MARCHF3: variants seen among roughly 807,000 people sequenced by gnomAD.
MARCHF3 encodes the protein membrane associated ring-CH-type finger 3.
Under a neutral mutation model 24.2 loss-of-function variants are expected in MARCHF3, and 13 were observed. The observed-to-expected ratio is 0.54, with a 90% CI of 0.35 to 0.85. The LOEUF is 0.85. Among genes scored for constraint, MARCHF3 ranks in the 40% least tolerant of loss-of-function variants. The pLI is 0.01. For missense variants in MARCHF3, 276 were observed against 325.0 expected, an observed-to-expected ratio of 0.85 and a Z score of 1.16; for synonymous variants, 144 against 137.3, an observed-to-expected ratio of 1.05 and a Z score of -0.34.
chr5:126,895,391 T>G (rs928429223), intron 3 of MARCHF3, among the ~76,000 whole-genome samples: 1 of 152,084 alleles, frequency 6.6e-6, no homozygotes, highest in African/African-American at 2.4e-5. Context: ...GCGCTCTGCT[T>G]TTTTAGAGTT....
chr5:126,884,712 C>G (rs1479468777), intron 3 of MARCHF3, among the ~76,000 whole-genome samples: 1 of 152,212 alleles, frequency 6.6e-6, no homozygotes, highest in African/African-American at 2.4e-5. Context: ...CTGCAACATA[C>G]ACCTGGAATC....
chr5:126,944,507 C>T (rs1749942165), intron 1 of MARCHF3, among the ~76,000 whole-genome samples: 1 of 152,152 alleles, frequency 6.6e-6, no homozygotes, highest in African/African-American at 2.4e-5. Context: ...TGCTTGAGCC[C>T]AGGAAGTTGA....
intron 1 of MARCHF3, among the ~76,000 whole-genome samples, chr5:127,023,925 A>C (rs961768953): frequency 6.6e-6 from 1 of 152,188 alleles, no homozygotes; most frequent in African/African-American, 2.4e-5. Flanking sequence ...AGTCACCTGC[A>C]TTGGATGACA....
chr5:126,887,241 G>C (rs73783478), intron 3 of MARCHF3, among the ~76,000 whole-genome samples: 14,503 of 151,812 alleles, frequency 0.096, 1,603 homozygotes, highest in African/African-American at 0.27. Context: ...CAGGATCTAT[G>C]ATTTTGAATG....
intron 1 of MARCHF3, among the ~76,000 whole-genome samples, chr5:126,980,341 A>G (rs1168385517): frequency 4.6e-5 from 7 of 151,974 alleles, no homozygotes; most frequent in African/African-American, 1.7e-4. Flanking sequence ...TTTTATGTAG[A>G]ATCTCTTGAG....
chr5:126,897,730 G>A lies in MARCHF3; in HGVS notation c.393+17200C>T, dbSNP rs117373811. ...GTTTCCTCATTTATATCCACAAATA[G>A]GAGACCATTAGAGCACCCAGAACAG... is the stretch of plus-strand genomic sequence containing the variant. On this transcript the variant is annotated intron_variant, in intron 3 of 4. Coordinates refer to ENST00000308660, the MANE Select transcript of MARCHF3 (RefSeq NM_178450.5). Among the ~76,000 whole-genome samples the A allele has an allele frequency of 3.6e-3, 544 of 152,158 alleles. 5 individuals are homozygous for A. The highest frequency in any genetic ancestry group is 0.015 in the East Asian group (79 of 5,188).
intron 3 of MARCHF3, among the ~76,000 whole-genome samples, chr5:126,883,875 T>C (rs764289736): frequency 1.3e-5 from 2 of 152,144 alleles, no homozygotes; most frequent in Non-Finnish European, 2.9e-5. Flanking sequence ...ACCTTCCCCA[T>C]GAATCTCCTT....
intron 1 of MARCHF3, among the ~76,000 whole-genome samples, chr5:126,978,088 C>T (rs578258244): frequency 1.3e-5 from 2 of 152,326 alleles, no homozygotes; most frequent in Admixed American, 1.3e-4. Flanking sequence ...AAGAGAAAGG[C>T]TTTGGCAGTT....
At chr5:126,920,422 C>T (rs1475189159) in intron 1 of MARCHF3, among the ~76,000 whole-genome samples, 2 of 152,208 alleles carry the variant, frequency 1.3e-5, no homozygotes, top group Non-Finnish European at 1.5e-5. Context: ...CTTCCTGGCA[C>T]AGCTCTCTTG....
chr5:127,002,993 G>A (rs1281338600), intron 1 of MARCHF3, among the ~76,000 whole-genome samples: 1 of 152,178 alleles, frequency 6.6e-6, no homozygotes, highest in Non-Finnish European at 1.5e-5. Context: ...GGACAGGAAA[G>A]CAACAATCAC....
intron 1 of MARCHF3, among the ~76,000 whole-genome samples, chr5:127,023,903 C>G (rs1158148337): frequency 6.6e-6 from 1 of 152,194 alleles, no homozygotes; most frequent in African/African-American, 2.4e-5. Flanking sequence ...AAACCTCCCA[C>G]AGCCAAAGCT....
intron 1 of MARCHF3, among the ~76,000 whole-genome samples, chr5:126,934,354 T>C (rs549165643): frequency 6.6e-6 from 1 of 152,304 alleles, no homozygotes; most frequent in African/African-American, 2.4e-5. Context: ...ACAGACCTCC[T>C]ATTTAGAAAT....
intron 1 of MARCHF3, among the ~76,000 whole-genome samples, chr5:126,956,916 C>T (rs1485149680): frequency 2.0e-5 from 3 of 152,014 alleles, no homozygotes; most frequent in South Asian, 2.1e-4. Context: ...AGGTTAAGAA[C>T]GGTGTTTCTT....
chr5:126,908,479 T>G (rs1754384667), intron 3 of MARCHF3, among the ~76,000 whole-genome samples: 1 of 152,238 alleles, frequency 6.6e-6, no homozygotes, highest in Admixed American at 6.5e-5. Flanking sequence ...AGATTTGGTC[T>G]TTTCACATAG....
At position 126,869,210 on chromosome 5, in the gene MARCHF3, A is replaced by G. The variant is rs894931421; in HGVS notation, c.*1423T>C. On this transcript the variant is annotated 3_prime_UTR_variant, in exon 5 of 5. Transcript: ENST00000308660. ...CTTCTCGTTTTCCCACTTGGAACAC[A>G]AGGCAGATGCTGGAGTGATACTCAG... 6.6e-6 allele frequency: 1 copy of G among 152,196 alleles called. No homozygotes were observed. Among genetic ancestry groups the G allele is most frequent in the South Asian group, 2.1e-4 (1 of 4,830 alleles). 9.4% of individuals were successfully genotyped at this position (152,196 alleles called of 1,614,324 possible).
chr5:126,869,081 A>G lies in MARCHF3; in HGVS notation c.*1552T>C, dbSNP rs1325214247. ...GTTTCCCTCCCCAGGCAGCGCTGGG[A>G]GCAGCCAGTGAATGGAGGGCTCGCC... On this transcript the variant is annotated 3_prime_UTR_variant, in exon 5 of 5. Transcript: ENST00000308660. The G allele has an allele frequency of 6.6e-6, 1 of 152,052 alleles. No homozygotes were observed. The highest frequency in any genetic ancestry group is 1.5e-5 in the Non-Finnish European group (1 of 68,014). The allele number at this position is 152,052 out of a possible 1,614,324, so 9.4% of individuals were successfully genotyped here.
intron 1 of MARCHF3, among the ~76,000 whole-genome samples, chr5:126,962,281 A>G (rs894782392): frequency 3.3e-5 from 5 of 152,044 alleles, no homozygotes. Flanking sequence ...TTGAAATTCA[A>G]TTAACTGGCT....
chr5:126,989,276 C>T (rs1163110979), intron 1 of MARCHF3, among the ~76,000 whole-genome samples: 2 of 151,360 alleles, frequency 1.3e-5, no homozygotes, highest in Admixed American at 1.3e-4. Context: ...GAGACCCTGT[C>T]TCTAGAATAC....
chr5:126,983,948 C>T (rs1561459003), intron 1 of MARCHF3, among the ~76,000 whole-genome samples: 1 of 152,168 alleles, frequency 6.6e-6, no homozygotes, highest in South Asian at 2.1e-4. Context: ...ACAGAAGCCA[C>T]TATCATACAA....
Sources: allele counts gnomAD v4.1 joint callset (sites outside exome capture counted in the v4.1 genomes callset), GRCh38; gene constraint gnomAD v4.1.1; transcripts MANE v1.5; gene names NCBI Gene and HGNC (gene_info 2026-07-23, HGNC 2026-07-21).